MIS18A: variants seen among roughly 807,000 people sequenced by gnomAD.
MIS18A encodes protein Mis18-alpha.
In MIS18A, 14 loss-of-function variants were observed where a neutral mutation model predicts 25.0. That is an observed-to-expected ratio of 0.56 (90% CI 0.37 to 0.88). The LOEUF is 0.88. MIS18A is among the 40% of genes least tolerant of loss of function. The pLI is 0.00. For synonymous variants in MIS18A, 134 were observed against 118.6 expected (o/e 1.13, Z -0.84); for missense variants, 292 against 290.8 (o/e 1.00, Z -0.03).
chr21:32,250,278 C>T, the MIS18A span, among the ~76,000 whole-genome samples: 3 of 152,238 alleles, frequency 2.0e-5, no homozygotes, highest in South Asian at 2.1e-4. Context: ...TCTATACTAA[C>T]CAACTCTCCC....
chr21:32,218,789 C>G, the MIS18A span, among the ~76,000 whole-genome samples: 8,711 of 152,112 alleles, frequency 0.057, 330 homozygotes, highest in Middle Eastern at 0.12. Context: ...AAACTAATAT[C>G]GAAATGGTAG....
At chr21:32,267,809 G>A (rs1601074541), downstream of MIS18A, among the ~76,000 whole-genome samples, 1 of 152,346 alleles carries the variant, frequency 6.6e-6, no homozygotes, top group East Asian at 1.9e-4. Flanking sequence ...GCCAGCGGGT[G>A]TTGACGTTTG....
At chr21:32,204,898 C>G in the MIS18A span, among the ~76,000 whole-genome samples, 2 of 151,928 alleles carry the variant, frequency 1.3e-5, no homozygotes, top group Non-Finnish European at 2.9e-5. Flanking sequence ...AACAAACAAA[C>G]ATGTAATTTA....
the MIS18A span, among the ~76,000 whole-genome samples, chr21:32,244,204 A>C: frequency 6.6e-6 from 1 of 152,204 alleles, no homozygotes; most frequent in Non-Finnish European, 1.5e-5. Context: ...ATTCTAGAAA[A>C]GGAAAAACCA....
chr21:32,236,080 A>T, the MIS18A span, among the ~76,000 whole-genome samples: 1 of 40,498 alleles, frequency 2.5e-5, no homozygotes, highest in Non-Finnish European at 4.2e-5. Context: ...TATTTAAAAT[A>T]AAAAAAAGAG....
the MIS18A span, among the ~76,000 whole-genome samples, chr21:32,234,034 T>A: frequency 6.6e-6 from 1 of 152,022 alleles, no homozygotes; most frequent in Non-Finnish European, 1.5e-5. Flanking sequence ...AAAAATGATA[T>A]TAAATAAAAA....
the MIS18A span, among the ~76,000 whole-genome samples, chr21:32,180,479 T>A: frequency 2.6e-5 from 4 of 152,230 alleles, no homozygotes; most frequent in Non-Finnish European, 4.4e-5. Flanking sequence ...CTCACAGCCC[T>A]CTTCTCCATG....
chr21:32,233,870 A>G, the MIS18A span, among the ~76,000 whole-genome samples: 1 of 152,200 alleles, frequency 6.6e-6, no homozygotes, highest in Non-Finnish European at 1.5e-5. Context: ...AGGGGAACAG[A>G]AAGTAAAGGA....
At chr21:32,169,842 A>G in the MIS18A span, among the ~76,000 whole-genome samples, 3 of 152,198 alleles carry the variant, frequency 2.0e-5, no homozygotes, top group Non-Finnish European at 4.4e-5. Context: ...CAGGAAAGTC[A>G]CTAGAAAAAC....
At chr21:32,255,890 CAAA>C in the MIS18A span, among the ~76,000 whole-genome samples, 1 of 105,490 alleles carries the variant, frequency 9.5e-6, no homozygotes. Flanking sequence ...GACTCTGTCC[CAAA>C]AAAAAAAAAA....
Position 32,269,474 on chromosome 21 carries a change from G to A in MIS18A, c.621+233C>T, listed in dbSNP as rs1601075981. 4 of 486,416 alleles carry A rather than the reference G, an allele frequency of 8.2e-6. No homozygotes were observed. The East Asian group carries it at 1.4e-4, about 17-fold the overall frequency. 30.1% of individuals were successfully genotyped at this position (486,416 alleles called of 1,614,324 possible). A position where few individuals can be genotyped will look rare whatever the true frequency, so the allele number is the denominator to read the frequency against. ...AAAGATGTATTTCTAGCTTTGCAGT[G>A]TTTTAATATATAGTTTTGATTTTGA... On this transcript the variant is annotated intron_variant, in intron 4 of 4. Transcript: ENST00000290130.
At chr21:32,180,656 AG>A in the MIS18A span, among the ~76,000 whole-genome samples, 3 of 152,340 alleles carry the variant, frequency 2.0e-5, no homozygotes, top group South Asian at 4.1e-4. Flanking sequence ...ACCTCACCAT[AG>A]TGGTTTACCA....
the MIS18A span, among the ~76,000 whole-genome samples, chr21:32,160,649 C>CT: frequency 5.7e-4 from 83 of 144,650 alleles, no homozygotes; most frequent in South Asian, 8.9e-4. Flanking sequence ...TGGTTGCATT[C>CT]TTTTTTTTTT....
At chr21:32,229,747 C>A in the MIS18A span, among the ~76,000 whole-genome samples, 3 of 152,296 alleles carry the variant, frequency 2.0e-5, no homozygotes, top group East Asian at 5.8e-4. Context: ...TGCCCATCAG[C>A]GGATCAATAT....
chr21:32,213,266 C>T, the MIS18A span, among the ~76,000 whole-genome samples: 1 of 152,100 alleles, frequency 6.6e-6, no homozygotes, highest in Non-Finnish European at 1.5e-5. Context: ...ACCCAAATGT[C>T]CGTCACTAAA....
chr21:32,241,669 T>C, the MIS18A span, among the ~76,000 whole-genome samples: 1 of 152,224 alleles, frequency 6.6e-6, no homozygotes. Flanking sequence ...GCTGGGTTTC[T>C]GACATTCTTT....
At chr21:32,205,071 T>TAA in the MIS18A span, among the ~76,000 whole-genome samples, 1 of 149,268 alleles carries the variant, frequency 6.7e-6, no homozygotes, top group African/African-American at 2.4e-5. Context: ...GTGACTTTAC[T>TAA]AATTACATCC....
At chr21:32,181,616 G>A in the MIS18A span, among the ~76,000 whole-genome samples, 2 of 152,118 alleles carry the variant, frequency 1.3e-5, no homozygotes, top group Non-Finnish European at 2.9e-5. Flanking sequence ...TGCTGCTGCT[G>A]GGACACAGTG....
chr21:32,181,603 G>A, the MIS18A span, among the ~76,000 whole-genome samples: 4 of 152,100 alleles, frequency 2.6e-5, no homozygotes, highest in African/African-American at 4.8e-5. Context: ...AAACTGCCCC[G>A]CCTGCTGCTG....
Sources: gnomAD v4.1 joint callset for allele counts (sites outside exome capture counted in the v4.1 genomes callset) on GRCh38, gnomAD v4.1.1 for gene constraint, MANE v1.5 for transcripts, NCBI Gene and HGNC (gene_info 2026-07-23, HGNC 2026-07-21) for gene names.